Variants in SLBP observed in about 807,000 individuals in gnomAD.
SLBP encodes stem-loop histone mRNA binding protein, also known as histone RNA hairpin-binding protein.
A neutral mutation model predicts 39.2 loss-of-function variants in SLBP; 29 were observed. That is an observed-to-expected ratio of 0.74 (90% CI 0.55 to 1.01). SLBP has a LOEUF of 1.01. Ranked by LOEUF, SLBP falls within the 50% of genes least tolerant of loss-of-function variation. The probability of loss-of-function intolerance (pLI) is 0.00; values close to 1 mark genes in which losing one functional copy is unlikely to be tolerated. For missense variants in SLBP, 390 were observed against 350.2 expected, an observed-to-expected ratio of 1.11 and a Z score of -0.91; for synonymous variants, 129 against 118.7, an observed-to-expected ratio of 1.09 and a Z score of -0.57.
chr4:1,694,659 G>T, intron 7 of SLBP, 115 bp downstream of exon 7: 1 of 767,162 alleles, frequency 1.3e-6, no homozygotes, highest in East Asian at 2.5e-5. Context: ...CCAAGGTGCT[G>T]GGATTACAGG....
intron 2 of SLBP, among the ~76,000 whole-genome samples, chr4:1,710,924 G>A (rs1199066650): frequency 1.3e-5 from 2 of 151,844 alleles, no homozygotes; most frequent in Non-Finnish European, 2.9e-5. Flanking sequence ...GGTGGCATGC[G>A]CCTGTAATCC....
chr4:1,711,371 C>G (rs2108667683), intron 2 of SLBP, among the ~76,000 whole-genome samples: 1 of 152,096 alleles, frequency 6.6e-6, no homozygotes, highest in African/African-American at 2.4e-5. Context: ...AACCACAGCC[C>G]CGAAAAGCCC....
chr4:1,712,251 A>T lies in SLBP; in HGVS notation c.-63T>A. 9.5e-7 allele frequency: 1 copy of T among 1,047,172 alleles called. No individual in the cohort carries two copies. Among genetic ancestry groups the T allele is most frequent in the Non-Finnish European group, 1.2e-6 (1 of 800,800 alleles). The allele number at this position is 1,047,172 out of a possible 1,614,324, so 64.9% of individuals were successfully genotyped here. ...TGAGGCGGCGGCGGCGCGGGCAGAG[A>T]GCGCAGAGTAGAGCAGGGCAGGGCC... On this transcript the variant is annotated 5_prime_UTR_variant, in exon 1 of 8. Transcript: ENST00000489418.
chr4:1,707,850 G>A (rs1457466544), intron 2 of SLBP, among the ~76,000 whole-genome samples: 1 of 152,152 alleles, frequency 6.6e-6, no homozygotes, highest in Non-Finnish European at 1.5e-5. Context: ...GGAGGCTAAA[G>A]CAGGCTGATC....
At chr4:1,697,694 T>A (rs916808757) in intron 5 of SLBP, among the ~76,000 whole-genome samples, 2 of 150,244 alleles carry the variant, frequency 1.3e-5, no homozygotes, top group African/African-American at 4.9e-5. Flanking sequence ...TACAAAAAAA[T>A]TAGCCCAGGC....
intron 3 of SLBP, 23 bp downstream of exon 3, chr4:1,703,573 T>A (rs1217601075): frequency 2.8e-6 from 4 of 1,425,774 alleles, no homozygotes; most frequent in Non-Finnish European, 4.0e-6. Flanking sequence ...GATTAACACT[T>A]CAAGGTGGTC....
At chr4:1,698,187 C>T (rs986222196) in intron 5 of SLBP, among the ~76,000 whole-genome samples, 5 of 151,674 alleles carry the variant, frequency 3.3e-5, no homozygotes. Flanking sequence ...TGGTAAAACC[C>T]CATCTCTACT....
chr4:1,703,430 G>A (rs893549097), intron 3 of SLBP, among the ~76,000 whole-genome samples, 166 bp downstream of exon 3: 3 of 152,124 alleles, frequency 2.0e-5, no homozygotes, highest in Admixed American at 6.6e-5. Context: ...CGCAGGCCCA[G>A]GGAAGGGTCT....
Position 1,693,670 on chromosome 4 carries a change from C to T in SLBP, c.740G>A (p.Ser247Asn). 2 of 1,614,028 alleles carry T rather than the reference C, an allele frequency of 1.2e-6. No homozygotes were observed. The highest frequency in any genetic ancestry group is 1.7e-6 in the Non-Finnish European group (2 of 1,179,860). Residue 247 changes from serine to asparagine, a missense_variant, in exon 8 of 8, where the codon AGT (serine) becomes AAT (asparagine). By Grantham distance (46) the Ser-to-Asn change is conservative. Coordinates refer to ENST00000489418, the MANE Select transcript of SLBP (RefSeq NM_006527.4). ...GTPTKVRHMD[S>N]QVEDEFDLEA... Reference sequence around the variant, plus strand: ...CAAATCAAACTCATCCTCCACTTGACTGTCCATGTGTCTCACCTTGGTGGG... The same window carrying T: ...CAAATCAAACTCATCCTCCACTTGATTGTCCATGTGTCTCACCTTGGTGGG...
In SLBP at chr4:1,693,009, A is replaced by G. The variant is rs867545507; in HGVS notation, c.*588T>C. The G allele has an allele frequency of 2.6e-4, 40 of 153,040 alleles. No homozygotes were observed. Among genetic ancestry groups the G allele is most frequent in the African/African-American group, 9.4e-4 (39 of 41,462 alleles). The allele number at this position is 153,040 out of a possible 1,614,324, so 9.5% of individuals were successfully genotyped here. ...GCTGCCCTAACTCTTGGAGTATTCT[A>G]AAGAGTCTAACTAGTGCTATTTACA... On this transcript the variant is annotated 3_prime_UTR_variant, in exon 8 of 8. Coordinates refer to ENST00000489418, the MANE Select transcript of SLBP (RefSeq NM_006527.4).
chr4:1,712,032 G>C (rs1156299220), intron 1 of SLBP, 42 bp from the exon 2 acceptor site: 1 of 1,256,144 alleles, frequency 8.0e-7, no homozygotes. Flanking sequence ...GGAGGTTCGG[G>C]ACCGCCTTAC....
At position 1,707,464 on chromosome 4, in the gene SLBP, A is replaced by G. The variant is rs865877741; in HGVS notation, c.177-3764T>C. ...GAGGTTGCACTCCAGCCTGGGCAAC[A>G]GAACGAGATTCCATCTAAAAAAAAT... On this transcript the variant is annotated intron_variant, in intron 2 of 7. Transcript: ENST00000489418. 1.3e-4 allele frequency among the ~76,000 whole-genome samples: 20 copies of G among 151,338 alleles called. 1 individual carries two copies. The highest frequency in any genetic ancestry group is 2.6e-4 in the Admixed American group (4 of 15,194).
chr4:1,703,234 C>CAA lies in SLBP; in HGVS notation c.281+360_281+361dup, dbSNP rs56203431. Among the ~76,000 whole-genome samples, 371 of 47,068 alleles carry CAA rather than the reference C, an allele frequency of 7.9e-3. 5 individuals carry two copies. Among genetic ancestry groups the CAA allele is most frequent in the Non-Finnish European group, 0.017 (232 of 13,432 alleles). 30.9% of individuals were successfully genotyped at this position (47,068 alleles called of 152,430 possible). On this transcript the variant is annotated intron_variant, in intron 3 of 7. Transcript: ENST00000489418. ...CCCGGGCAACAGAGCGAGACTGTCT[C>CAA]AAAAAAAAAAAAAAAAAAAGAAAGT...
intron 2 of SLBP, among the ~76,000 whole-genome samples, chr4:1,709,760 C>G (rs948072066): frequency 3.3e-5 from 5 of 152,230 alleles, no homozygotes; most frequent in South Asian, 2.1e-4. Flanking sequence ...TACAGGCGCC[C>G]GCTACCACGC....
chr4:1,708,744 A>T (rs1380268590), intron 2 of SLBP, among the ~76,000 whole-genome samples: 3 of 152,236 alleles, frequency 2.0e-5, no homozygotes, highest in East Asian at 3.8e-4. Context: ...TTACACACTA[A>T]GCTAACAACC....
In SLBP at chr4:1,699,608, C is replaced by T. The variant is rs1716248325; in HGVS notation, c.435G>A (p.Gly145=). ...AACGATCGTAGGCAATTGTGTTCTTCCCATAGTTGATCTGCTTCTGTCTCC... is the reference window on the plus strand; with the variant it reads ...AACGATCGTAGGCAATTGTGTTCTTTCCATAGTTGATCTGCTTCTGTCTCC... ...LMRRQKQINY[G]KNTIAYDRYI... The change falls in exon 5 of 8, where the codon GGG becomes GGA. Residue 145 remains glycine (G), a synonymous_variant. Coordinates refer to ENST00000489418, the MANE Select transcript of SLBP (RefSeq NM_006527.4). The T allele has an allele frequency of 7.4e-6, 12 of 1,613,856 alleles. No homozygotes were observed. The highest frequency in any genetic ancestry group is 2.2e-5 in the South Asian group (2 of 91,080).
rs1485078915 is a variant in SLBP at position 1,712,317 on chromosome 4, T to C, written c.-129A>G. 1 of 514,204 alleles carries C rather than the reference T, an allele frequency of 1.9e-6. No individual in the cohort carries two copies. Among genetic ancestry groups the C allele is most frequent in the East Asian group, 4.6e-5 (1 of 21,606 alleles). 31.9% of individuals were successfully genotyped at this position (514,204 alleles called of 1,614,324 possible). On this transcript the variant is annotated 5_prime_UTR_variant, in exon 1 of 8. Coordinates refer to ENST00000489418, the MANE Select transcript of SLBP (RefSeq NM_006527.4). ...CGTCCCCGCGCCGGCGCTCACGAGCTCTGCGCGCCCCGCCCCCAACCGCCT... is the reference window on the plus strand; with the variant it reads ...CGTCCCCGCGCCGGCGCTCACGAGCCCTGCGCGCCCCGCCCCCAACCGCCT...
In SLBP at chr4:1,693,674, C is replaced by A. The variant is rs771710799; in HGVS notation, c.736G>T (p.Asp246Tyr). ...TCAAACTCATCCTCCACTTGACTGT[C>A]CATGTGTCTCACCTTGGTGGGTGTG... Reference protein sequence around the residue: ...SGTPTKVRHMDSQVEDEFDLE... With the variant: ...SGTPTKVRHMYSQVEDEFDLE... Residue 246 changes from aspartate to tyrosine, a missense_variant, in exon 8 of 8, where the codon GAC (aspartate) becomes TAC (tyrosine). Transcript: ENST00000489418. The A allele has an allele frequency of 3.1e-6, 5 of 1,613,880 alleles. No homozygotes were observed. The highest frequency in any genetic ancestry group is 4.2e-6 in the Non-Finnish European group (5 of 1,179,746).
At position 1,696,233 on chromosome 4, in the gene SLBP, G is replaced by C; in HGVS notation, c.598C>G (p.Pro200Ala). ...TGCAAATCACATCCTTCTTCCGCTG[G>C]AGGATCCCAAAAATGCAGAGCCACC... ...WKVALHFWDP[P>A]AEEGCDLQEI... Residue 200 changes from proline (P) to alanine (A), a missense_variant, in exon 6 of 8, where the codon CCA (proline) becomes GCA (alanine). Transcript: ENST00000489418. 2 of 1,599,284 alleles carry C rather than the reference G, an allele frequency of 1.3e-6. No individual in the cohort carries two copies. The highest frequency in any genetic ancestry group is 1.7e-6 in the Non-Finnish European group (2 of 1,174,556).
Sources: allele counts gnomAD v4.1 joint callset (sites outside exome capture counted in the v4.1 genomes callset), GRCh38; gene constraint gnomAD v4.1.1; transcripts MANE v1.5; gene names NCBI Gene and HGNC (gene_info 2026-07-23, HGNC 2026-07-21).